SGCG: variants seen among roughly 807,000 people sequenced by gnomAD.
SGCG encodes the protein gamma-sarcoglycan.
In SGCG, 26 loss-of-function variants were observed where a neutral mutation model predicts 29.3. The ratio of observed to expected loss-of-function variants is 0.89; its 90% CI spans 0.65 to 1.23. The LOEUF is 1.23. Ranked by LOEUF, SGCG falls within the 50% of genes most tolerant of loss-of-function variation. The probability of loss-of-function intolerance (pLI) is 0.00; values close to 1 mark genes in which losing one functional copy is unlikely to be tolerated. For synonymous variants in SGCG, 145 were observed against 129.7 expected (o/e 1.12, Z -0.80); for missense variants, 353 against 356.0 (o/e 0.99, Z 0.07).
chr13:23,216,425 A>G lies in SGCG; in HGVS notation c.195+12536A>G, dbSNP rs183209862. Among the ~76,000 whole-genome samples the G allele has an allele frequency of 6.6e-5, 10 of 152,314 alleles. No homozygotes were observed. In the East Asian group the frequency reaches 1.7e-3, roughly 26 times the overall value. On this transcript the variant is annotated intron_variant, in intron 2 of 7. Coordinates refer to ENST00000218867, the MANE Select transcript of SGCG (RefSeq NM_000231.3). ...GTATGTGTATATGAAGTTAGCAATG[A>G]CCAAGAAGGAATGACACAAATTTAT... is the stretch of plus-strand genomic sequence containing the variant.
chr13:23,210,799 C>T (rs774738319), intron 2 of SGCG, among the ~76,000 whole-genome samples: 4 of 152,142 alleles, frequency 2.6e-5, no homozygotes, highest in Admixed American at 6.5e-5. Context: ...CTTTATGTAT[C>T]GTTATTTCAG....
intron 2 of SGCG, among the ~76,000 whole-genome samples, chr13:23,215,930 CTA>C (rs34431089): frequency 0.23 from 34,629 of 151,946 alleles, 4,106 homozygotes; most frequent in Middle Eastern, 0.33. Context: ...GCTTACAAGA[CTA>C]TGTGCACAAA....
intron 1 of SGCG, among the ~76,000 whole-genome samples, chr13:23,188,012 G>A (rs1035484953): frequency 8.5e-5 from 13 of 152,256 alleles, no homozygotes; most frequent in Admixed American, 2.6e-4. Context: ...CCCCACAGGG[G>A]CACCAGCAGG....
intron 2 of SGCG, among the ~76,000 whole-genome samples, chr13:23,224,765 A>G (rs1878832120): frequency 6.6e-6 from 1 of 152,114 alleles, no homozygotes; most frequent in African/African-American, 2.4e-5. Context: ...TTCTCACACA[A>G]CACTCAAGGT....
At chr13:23,216,531 C>A (rs2137520251) in intron 2 of SGCG, among the ~76,000 whole-genome samples, 1 of 152,162 alleles carries the variant, frequency 6.6e-6, no homozygotes, top group Admixed American at 6.5e-5. Context: ...ATTTATTAGT[C>A]TATTATTTTG....
intron 2 of SGCG, among the ~76,000 whole-genome samples, chr13:23,204,810 T>A (rs952459615): frequency 6.6e-6 from 1 of 151,448 alleles, no homozygotes; most frequent in Non-Finnish European, 1.5e-5. Context: ...ACAGGCTCTT[T>A]CTGAGAGCAA....
intron 6 of SGCG, among the ~76,000 whole-genome samples, chr13:23,318,787 A>G (rs1187007748): frequency 6.6e-6 from 1 of 152,186 alleles, no homozygotes; most frequent in Non-Finnish European, 1.5e-5. Flanking sequence ...TCTTCTTAGC[A>G]GCGTCCCATT....
chr13:23,178,289 G>A (rs1186749695), upstream of SGCG, among the ~76,000 whole-genome samples: 2 of 152,206 alleles, frequency 1.3e-5, no homozygotes, highest in Non-Finnish European at 2.9e-5. Context: ...CAGAGCAGGA[G>A]GTTCTGCAGA....
intron 4 of SGCG, among the ~76,000 whole-genome samples, chr13:23,252,473 T>C (rs768603790): frequency 1.3e-5 from 2 of 151,908 alleles, no homozygotes; most frequent in Non-Finnish European, 2.9e-5. Context: ...GGGTGGATCA[T>C]GAGGTCAGGA....
chr13:23,191,946 T>C lies in SGCG; in HGVS notation c.-1+10871T>C, dbSNP rs1383983887. On this transcript the variant is annotated intron_variant, in intron 1 of 7. Coordinates refer to ENST00000218867, the MANE Select transcript of SGCG (RefSeq NM_000231.3). The stretch of plus-strand genomic sequence containing the variant: ...CACGCCTGTAATCCCAGCACTTAGG[T>C]GGGCGGATCACGAGGTCAGGAGATC... Among the ~76,000 whole-genome samples, 5 of 151,766 alleles carry C rather than the reference T, an allele frequency of 3.3e-5. No individual in the cohort carries two copies. The East Asian group carries it at 7.8e-4, about 24-fold the overall frequency.
At chr13:23,267,696 T>C (rs1328213516) in intron 4 of SGCG, 1 of 152,266 alleles carries the variant, frequency 6.6e-6, no homozygotes. Flanking sequence ...GAGACAGCAA[T>C]GCCATCACAG....
chr13:23,194,985 T>A (rs1330731371), intron 1 of SGCG, among the ~76,000 whole-genome samples: 2 of 152,234 alleles, frequency 1.3e-5, no homozygotes, highest in African/African-American at 4.8e-5. Flanking sequence ...AGTTCTTTGT[T>A]AACATTAACT....
chr13:23,234,202 C>A (rs900169701), intron 2 of SGCG, among the ~76,000 whole-genome samples: 1 of 152,088 alleles, frequency 6.6e-6, no homozygotes, highest in Non-Finnish European at 1.5e-5. Context: ...TATTTTGGGG[C>A]AGGTGATGGA....
At chr13:23,324,246 A>G in intron 7 of SGCG, 122 bp from the exon 8 acceptor site, 1 of 825,988 alleles carries the variant, frequency 1.2e-6, no homozygotes, top group East Asian at 2.5e-5. Flanking sequence ...ACATAAAGTC[A>G]GGTGCCTATT....
chr13:23,268,911 A>AC (rs1880750345), intron 4 of SGCG: 1 of 151,674 alleles, frequency 6.6e-6, no homozygotes, highest in East Asian at 1.9e-4. Flanking sequence ...AAAAAAAAAA[A>AC]AACACTCATC....
the SGCG span, among the ~76,000 whole-genome samples, chr13:23,175,286 G>A: frequency 1.3e-5 from 2 of 152,100 alleles, no homozygotes; most frequent in South Asian, 4.1e-4. Flanking sequence ...CAGACACATG[G>A]AGGTAGAGGT....
At chr13:23,310,308 G>T (rs566247178) in intron 6 of SGCG, among the ~76,000 whole-genome samples, 48 of 151,844 alleles carry the variant, frequency 3.2e-4, no homozygotes, top group Non-Finnish European at 2.2e-4. Flanking sequence ...GGGTGGTCTC[G>T]ATCTCCTGAC....
chr13:23,209,216 TGTGG>T (rs1221822465), intron 2 of SGCG, among the ~76,000 whole-genome samples: 1 of 152,184 alleles, frequency 6.6e-6, no homozygotes, highest in Non-Finnish European at 1.5e-5. Flanking sequence ...TTTAATTTAT[TGTGG>T]TAATAAGTTA....
Position 23,248,686 on chromosome 13 carries a change from T to G in SGCG, c.298-1944T>G, listed in dbSNP as rs1488608407. 2.2e-5 allele frequency among the ~76,000 whole-genome samples: 3 copies of G among 136,760 alleles called. No homozygotes were observed. In the East Asian group the frequency reaches 6.6e-4, roughly 30 times the overall value. The allele number at this position is 136,760 out of a possible 152,430, so 89.7% of individuals were successfully genotyped here. On this transcript the variant is annotated intron_variant, in intron 3 of 7. Coordinates refer to ENST00000218867, the MANE Select transcript of SGCG (RefSeq NM_000231.3). ...TCCAGCCTGGGCGGCGGAACTAGAC[T>G]CCGTCTCAAAAAGAAAAAAAAAAAG...
Sources: allele counts gnomAD v4.1 joint callset (sites outside exome capture counted in the v4.1 genomes callset), GRCh38; gene constraint gnomAD v4.1.1; transcripts MANE v1.5; gene names NCBI Gene and HGNC (gene_info 2026-07-23, HGNC 2026-07-21).